The following SREBF2 variants were observed in gnomAD, a reference collection of about 807,000 sequenced individuals.
SREBF2 encodes sterol regulatory element-binding protein 2.
SREBF2 carries 55 observed loss-of-function variants against 113.1 expected under a neutral mutation model. The ratio of observed to expected loss-of-function variants is 0.49; its 90% CI spans 0.39 to 0.61. The LOEUF (loss-of-function observed/expected upper bound fraction) is 0.61, where lower values mean the gene tolerates loss of function less well. Among genes scored for constraint, SREBF2 ranks in the 20% least tolerant of loss-of-function variants. SREBF2 has a pLI of 0.00. For synonymous variants in SREBF2, 593 were observed against 605.7 expected (o/e 0.98, Z 0.31); for missense variants, 1,349 against 1,487.4 (o/e 0.91, Z 1.53).
At chr22:41,880,262 C>T (rs1464585703) in intron 9 of SREBF2, among the ~76,000 whole-genome samples, 1 of 152,118 alleles carries the variant, frequency 6.6e-6, no homozygotes, top group Non-Finnish European at 1.5e-5. Flanking sequence ...TGTCTAAAAG[C>T]TACTGCTGGC....
chr22:41,864,315 A>T (rs9611681), intron 1 of SREBF2, among the ~76,000 whole-genome samples: 1 of 103,748 alleles, frequency 9.6e-6, no homozygotes. Context: ...ATATGTATAT[A>T]TATATATATT....
intron 12 of SREBF2, 92 bp downstream of exon 12, chr22:41,893,377 G>C: frequency 7.2e-7 from 1 of 1,382,742 alleles, no homozygotes; most frequent in Admixed American, 1.7e-5. Flanking sequence ...GGAGACACGG[G>C]TTGTCTCTTA....
chr22:41,900,590 G>A (rs1283787553), intron 16 of SREBF2, 92 bp downstream of exon 16: 4 of 1,367,824 alleles, frequency 2.9e-6, no homozygotes, highest in Admixed American at 2.0e-5. Flanking sequence ...CTGCGGGTGG[G>A]GCCATCCGAA....
At chr22:41,875,184 C>G (rs557534378) in intron 5 of SREBF2, among the ~76,000 whole-genome samples, 153 bp from the exon 6 acceptor site, 1 of 152,144 alleles carries the variant, frequency 6.6e-6, no homozygotes, top group African/African-American at 2.4e-5. Context: ...TAACTTCTCC[C>G]GAGTGGCACA....
At chr22:41,875,188 T>A (rs778717951) in intron 5 of SREBF2, 149 bp from the exon 6 acceptor site, 56 of 699,572 alleles carry the variant, frequency 8.0e-5, no homozygotes, top group Admixed American at 2.0e-4. Flanking sequence ...TTCTCCCGAG[T>A]GGCACAGCTA....
chr22:41,841,060 C>T (rs1168726201), intron 1 of SREBF2, among the ~76,000 whole-genome samples: 1 of 152,186 alleles, frequency 6.6e-6, no homozygotes, highest in African/African-American at 2.4e-5. Flanking sequence ...AAGGAAAGCA[C>T]CTCAAGTTCA....
In SREBF2 at chr22:41,836,444, AG is replaced by A. The variant is rs530445007; in HGVS notation, c.88+3088del. 2.1e-3 allele frequency among the ~76,000 whole-genome samples: 318 copies of A among 152,356 alleles called. 1 individual carries two copies. Among genetic ancestry groups the A allele is most frequent in the Admixed American group, 5.0e-3 (76 of 15,304 alleles). On this transcript the variant is annotated intron_variant, in intron 1 of 18. Coordinates refer to ENST00000361204, the MANE Select transcript of SREBF2 (RefSeq NM_004599.4). ...GCTTAGCAGGAAGACCACACCAAAG[AG>A]GTGGCTCTTGACCTGGGCCTTGGAG...
intron 1 of SREBF2, among the ~76,000 whole-genome samples, chr22:41,862,025 G>A (rs1488800749): frequency 6.6e-6 from 1 of 151,392 alleles, no homozygotes; most frequent in East Asian, 1.9e-4. Flanking sequence ...GCCCCTAATA[G>A]GGCTGGGTAA....
In SREBF2 at chr22:41,833,300, G is replaced by T; in HGVS notation, c.30G>T (p.Leu10=). The change falls in exon 1 of 19, where the codon CTG becomes CTT. Residue 10 remains leucine, a synonymous_variant. Transcript: ENST00000361204. This position sits in a 1 kb window ranked among gnomAD's most constrained non-coding sequence, Gnocchi z 4.1. MDDSGELGG[L]ETMETLTELG... ...ACGACAGCGGCGAGCTGGGTGGTCTGGAGACCATGGAGACCCTCACGGAGC... is the reference window on the plus strand; with the variant it reads ...ACGACAGCGGCGAGCTGGGTGGTCTTGAGACCATGGAGACCCTCACGGAGC... 6.6e-7 allele frequency: 1 copy of T among 1,522,640 alleles called. No homozygotes were observed. Among genetic ancestry groups the T allele is most frequent in the South Asian group, 1.2e-5 (1 of 81,844 alleles). 94.3% of individuals were successfully genotyped at this position (1,522,640 alleles called of 1,614,324 possible). A position where few individuals can be genotyped will look rare whatever the true frequency, so the allele number is the denominator to read the frequency against.
At chr22:41,834,870 C>G (rs529300072) in intron 1 of SREBF2, among the ~76,000 whole-genome samples, 147 of 152,274 alleles carry the variant, frequency 9.7e-4, no homozygotes, top group African/African-American at 3.2e-3. Context: ...AACTTCTGTG[C>G]CAGACGGTGT....
intron 9 of SREBF2, among the ~76,000 whole-genome samples, chr22:41,880,397 C>CAAAAAAAAA (rs58272168): frequency 5.7e-5 from 5 of 87,608 alleles, no homozygotes; most frequent in African/African-American, 8.8e-5. Flanking sequence ...ACTAAAAATA[C>CAAAAAAAAA]AAAAAAAAAA....
intron 1 of SREBF2, among the ~76,000 whole-genome samples, chr22:41,836,488 A>G (rs1402982911): frequency 6.6e-6 from 1 of 152,232 alleles, no homozygotes; most frequent in Non-Finnish European, 1.5e-5. Context: ...AGAGTTGGGC[A>G]TGCTGAAGGT....
Position 41,894,941 on chromosome 22 carries a change from A to G in SREBF2, c.2495+4A>G, listed in dbSNP as rs1246425974. 5.0e-6 allele frequency: 8 copies of G among 1,612,476 alleles called. No homozygotes were observed. The highest frequency in any genetic ancestry group is 4.2e-6 in the Non-Finnish European group (5 of 1,178,876). On this transcript the variant is annotated splice_donor_region_variant and intron_variant, in intron 13 of 18. Transcript: ENST00000361204. ...GAGACCAGGAAGAAGAGAGCTGGTA[A>G]AGTCCCCAGACCAGTCCCCCTGCCT...
In SREBF2 at chr22:41,884,199, G is replaced by A. The variant is rs370186641; in HGVS notation, c.2039-643G>A. Reference sequence around the variant, plus strand: ...TGCCCAGGCTGGAGTGCAGTGGTGCGATCTCAGCTCACTGCAACCTCCGCA... The same window carrying A: ...TGCCCAGGCTGGAGTGCAGTGGTGCAATCTCAGCTCACTGCAACCTCCGCA... On this transcript the variant is annotated intron_variant, in intron 10 of 18. Coordinates refer to ENST00000361204, the MANE Select transcript of SREBF2 (RefSeq NM_004599.4). Among the ~76,000 whole-genome samples the A allele has an allele frequency of 1.1e-4, 17 of 152,238 alleles. No homozygotes were observed. The East Asian group carries it at 1.2e-3, about 10-fold the overall frequency.
intron 17 of SREBF2, 26 bp from the exon 18 acceptor site, chr22:41,904,837 T>A (rs2077492396): frequency 6.5e-7 from 1 of 1,549,846 alleles, no homozygotes; most frequent in Admixed American, 1.9e-5. Context: ...AGGGGTGTGA[T>A]GGATGTCACC....
intron 5 of SREBF2, among the ~76,000 whole-genome samples, chr22:41,874,358 G>A (rs1221611164): frequency 6.6e-6 from 1 of 152,118 alleles, no homozygotes; most frequent in African/African-American, 2.4e-5. Flanking sequence ...TCAGCTGATG[G>A]CATAGTTTTA....
chr22:41,894,790 T>C, intron 12 of SREBF2, 30 bp from the exon 13 acceptor site: 1 of 1,598,020 alleles, frequency 6.3e-7, no homozygotes, highest in Non-Finnish European at 8.6e-7. Flanking sequence ...ATGAGCTCCA[T>C]TTAACCCCCC....
intron 12 of SREBF2, among the ~76,000 whole-genome samples, chr22:41,894,480 G>T (rs1003244364): frequency 6.6e-6 from 1 of 152,146 alleles, no homozygotes; most frequent in Non-Finnish European, 1.5e-5. Context: ...ATGGAGAAGA[G>T]AAATCCTCTG....
rs138807868 is a variant in SREBF2, at chr22:41,880,890, C to T, written c.1936C>T (p.Arg646Trp). 39 of 1,612,586 alleles carry T rather than the reference C, an allele frequency of 2.4e-5. No homozygotes were observed. The highest frequency in any genetic ancestry group is 1.5e-4 in the African/African-American group (11 of 75,062). ...WLLKKVFQCR[R>W]ATPATEAGFE... The stretch of plus-strand genomic sequence containing the variant: ...GCTCAAGAAAGTCTTCCAGTGCCGG[C>T]GGGCCACGCCAGCCACTGAGGCAGG... The change falls in exon 10 of 19, where the codon CGG becomes TGG. Residue 646 changes from arginine to tryptophan, a missense_variant. Arg to Trp is a moderately radical substitution (Grantham distance 101). Around this residue, in one of 2 missense-constraint regions of SREBF2, gnomAD observed 699 missense variants for 843.3 expected, o/e 0.83. Transcript: ENST00000361204.
Sources: allele counts gnomAD v4.1 joint callset (sites outside exome capture counted in the v4.1 genomes callset), GRCh38; gene constraint gnomAD v4.1.1; regional missense constraint gnomAD v4.1.1; non-coding constraint Gnocchi (gnomAD v3.1); transcripts MANE v1.5; gene names NCBI Gene and HGNC (gene_info 2026-07-23, HGNC 2026-07-21).